The following ATRN variants were observed in gnomAD, a reference collection of about 807,000 sequenced individuals.
The protein encoded by ATRN is attractin-2.
In ATRN, 54 loss-of-function variants were observed where a neutral mutation model predicts 178.7. The observed-to-expected ratio is 0.30, with a 90% CI of 0.24 to 0.38. The LOEUF (loss-of-function observed/expected upper bound fraction) is 0.38, where lower values mean the gene tolerates loss of function less well. Among genes scored for constraint, ATRN ranks in the 10% least tolerant of loss-of-function variants. ATRN has a pLI of 1.00. For missense variants in ATRN, 1,443 were observed against 1,815.1 expected, an observed-to-expected ratio of 0.79 and a Z score of 3.73; for synonymous variants, 636 against 663.0, an observed-to-expected ratio of 0.96 and a Z score of 0.63.
chr20:3,505,428 A>C (rs1232506653), intron 1 of ATRN, among the ~76,000 whole-genome samples: 1 of 152,204 alleles, frequency 6.6e-6, no homozygotes, highest in Non-Finnish European at 1.5e-5. Flanking sequence ...CTGGCTCTGC[A>C]GCTTGCAGAT....
rs1320664096 is a variant in ATRN at position 3,645,121 on chromosome 20, A to G, written c.4165+853A>G. ...GTGCTTTGGAGGATGCCTCAATGTG[A>G]TCATTTTAGACAACTTTCAGTTGAG... On this transcript the variant is annotated intron_variant, in intron 28 of 28. Coordinates refer to ENST00000262919, the MANE Select transcript of ATRN (RefSeq NM_139321.3). This position sits in a 1 kb window ranked among gnomAD's most constrained non-coding sequence, Gnocchi z 4.7. Among the ~76,000 whole-genome samples the G allele has an allele frequency of 1.3e-5, 2 of 152,182 alleles. No homozygotes were observed. The highest frequency in any genetic ancestry group is 4.8e-5 in the African/African-American group (2 of 41,444).
At chr20:3,609,596 TC>T (rs2086732570) in intron 24 of ATRN, among the ~76,000 whole-genome samples, 1 of 152,194 alleles carries the variant, frequency 6.6e-6, no homozygotes. Flanking sequence ...GCGTCTGTGT[TC>T]ATGAAACCCT....
chr20:3,471,732 G>T (rs1192938589), intron 1 of ATRN, among the ~76,000 whole-genome samples: 1 of 152,232 alleles, frequency 6.6e-6, no homozygotes, highest in Non-Finnish European at 1.5e-5. Flanking sequence ...GGGCAAGGGT[G>T]GGGGCACCCC....
chr20:3,550,818 G>A (rs962956091), intron 6 of ATRN, among the ~76,000 whole-genome samples: 11 of 152,142 alleles, frequency 7.2e-5, no homozygotes, highest in African/African-American at 2.7e-4. Flanking sequence ...ACCTGTCAGG[G>A]TCTATTCTTT....
At chr20:3,524,924 T>C (rs1236216370) in intron 1 of ATRN, among the ~76,000 whole-genome samples, 2 of 152,176 alleles carry the variant, frequency 1.3e-5, no homozygotes. Flanking sequence ...GAGGGAAATT[T>C]ATAGCACTAA....
rs773598384 is a variant in ATRN, at chr20:3,634,403, G to A, written c.3942+14G>A. On this transcript the variant is annotated intron_variant, in intron 26 of 28. Transcript: ENST00000262919. ...AGACGTAGAGAGGTAAGCTTCAGTG[G>A]GTAAAGATTAAAGAATCCCTGGAAG... 1.9e-6 allele frequency: 3 copies of A among 1,606,484 alleles called. No homozygotes were observed. The South Asian group carries it at 3.3e-5, about 18-fold the overall frequency.
chr20:3,596,896 G>A (rs1361154118), intron 21 of ATRN, among the ~76,000 whole-genome samples: 1 of 151,974 alleles, frequency 6.6e-6, no homozygotes, highest in African/African-American at 2.4e-5. Context: ...ATGGGTAAAT[G>A]TGTTTTCTCT....
chr20:3,579,521 C>T lies in ATRN; in HGVS notation c.2544+749C>T, dbSNP rs146798874. 2.3e-3 allele frequency among the ~76,000 whole-genome samples: 356 copies of T among 152,196 alleles called. 7 individuals carry two copies. The highest frequency in any genetic ancestry group is 8.2e-3 in the African/African-American group (339 of 41,536). On this transcript the variant is annotated intron_variant, in intron 15 of 28. Coordinates refer to ENST00000262919, the MANE Select transcript of ATRN (RefSeq NM_139321.3). ...AAGAACAGCAAAAAAAAGAAATGTACATCTCCTTGGGTCTTTCATAGCCCA... is the reference window on the plus strand; with the variant it reads ...AAGAACAGCAAAAAAAAGAAATGTATATCTCCTTGGGTCTTTCATAGCCCA...
At chr20:3,601,867 TAAAAAA>T (rs77232797) in intron 23 of ATRN, among the ~76,000 whole-genome samples, 1 of 117,668 alleles carries the variant, frequency 8.5e-6, no homozygotes, top group African/African-American at 3.2e-5. Flanking sequence ...CCCATCTCTT[TAAAAAA>T]AAAAAAAAAA....
At chr20:3,572,440 C>T (rs1303867472) in intron 11 of ATRN, among the ~76,000 whole-genome samples, 1 of 152,064 alleles carries the variant, frequency 6.6e-6, no homozygotes, top group African/African-American at 2.4e-5. Flanking sequence ...GGAAGGGAAT[C>T]ATAATGTTTT....
chr20:3,527,259 G>A (rs1282790130), intron 1 of ATRN, among the ~76,000 whole-genome samples: 1 of 152,008 alleles, frequency 6.6e-6, no homozygotes, highest in African/African-American at 2.4e-5. Flanking sequence ...TCAAAAAGTG[G>A]GCAAAGGATA....
chr20:3,483,649 A>G (rs1239984671), intron 1 of ATRN, among the ~76,000 whole-genome samples: 1 of 152,102 alleles, frequency 6.6e-6, no homozygotes, highest in African/African-American at 2.4e-5. Context: ...GCCCGGCCCA[A>G]TTAGCATTCT....
At chr20:3,609,678 G>A (rs1310180124) in intron 24 of ATRN, among the ~76,000 whole-genome samples, 1 of 151,490 alleles carries the variant, frequency 6.6e-6, no homozygotes, top group Non-Finnish European at 1.5e-5. Flanking sequence ...ATATCTATCA[G>A]TGGATGAATG....
chr20:3,494,146 A>T (rs1458387453), intron 1 of ATRN, among the ~76,000 whole-genome samples: 1 of 152,174 alleles, frequency 6.6e-6, no homozygotes, highest in Non-Finnish European at 1.5e-5. Flanking sequence ...GTGAGATCTG[A>T]AAGGTTGGTT....
chr20:3,527,625 T>C (rs1156716085), intron 1 of ATRN, among the ~76,000 whole-genome samples: 1 of 152,210 alleles, frequency 6.6e-6, no homozygotes, highest in African/African-American at 2.4e-5. Context: ...TGCACACATA[T>C]GTTTATTGCA....
At chr20:3,612,360 T>C (rs1271582711) in intron 24 of ATRN, among the ~76,000 whole-genome samples, 2 of 152,230 alleles carry the variant, frequency 1.3e-5, no homozygotes, top group Non-Finnish European at 2.9e-5. Flanking sequence ...ATAAGTATCC[T>C]GAAGCTTCAA....
At chr20:3,562,746 C>T (rs1365620111) in intron 9 of ATRN, among the ~76,000 whole-genome samples, 3 of 152,146 alleles carry the variant, frequency 2.0e-5, no homozygotes, top group Non-Finnish European at 4.4e-5. Context: ...GCGATGGTTT[C>T]TCCTCTTTTT....
In ATRN at chr20:3,507,776, C is replaced by G. The variant is rs560762864; in HGVS notation, c.411-27477C>G. 4.0e-5 allele frequency among the ~76,000 whole-genome samples: 6 copies of G among 150,760 alleles called. No individual in the cohort carries two copies. The East Asian group carries it at 1.2e-3, about 29-fold the overall frequency. On this transcript the variant is annotated intron_variant, in intron 1 of 28. Transcript: ENST00000262919. ...CTCGGCTCACTGCAACCTCCACCTCCCAGGTTCAAGCAATTCTCCTGCCTC... is the reference window on the plus strand; with the variant it reads ...CTCGGCTCACTGCAACCTCCACCTCGCAGGTTCAAGCAATTCTCCTGCCTC...
At chr20:3,471,662 TCCG>T in intron 1 of ATRN, 145 bp downstream of exon 1, 1 of 1,124,660 alleles carries the variant, frequency 8.9e-7, no homozygotes, top group South Asian at 2.5e-5. Flanking sequence ...GCCATTTGCT[TCCG>T]GGGAGATCAT....
Sources: gnomAD v4.1 joint callset for allele counts (sites outside exome capture counted in the v4.1 genomes callset) on GRCh38, gnomAD v4.1.1 for gene constraint, Gnocchi (gnomAD v3.1) non-coding constraint, MANE v1.5 for transcripts, NCBI Gene and HGNC (gene_info 2026-07-23, HGNC 2026-07-21) for gene names.